Variants in TGFBR3 observed in about 807,000 individuals in gnomAD.
TGFBR3 encodes transforming growth factor beta receptor 3, also known as transforming growth factor beta receptor type 3.
TGFBR3 carries 46 observed loss-of-function variants against 87.9 expected under a neutral mutation model. That is an observed-to-expected ratio of 0.52 (90% CI 0.41 to 0.67). The LOEUF (loss-of-function observed/expected upper bound fraction) is 0.67, where lower values mean the gene tolerates loss of function less well. Among genes scored for constraint, TGFBR3 ranks in the 30% least tolerant of loss-of-function variants. TGFBR3 has a pLI of 0.00. For missense variants in TGFBR3, 866 were observed against 1,041.9 expected (o/e 0.83, Z 2.32); for synonymous variants, 381 against 391.6 (o/e 0.97, Z 0.32).
chr1:91,712,319 T>C lies in TGFBR3; in HGVS notation c.2090A>G (p.Asn697Ser). ...RFSFVFKPVF[N>S]TSLLFLQCEL... ...ACACTGTAGAAAGAGCAGTGAGGTG[T>C]TGAAGACAGGCTTGAAGACAAAGCT... The change falls in exon 13 of 17, where the codon AAC (asparagine) becomes AGC (serine). Residue 697 changes from asparagine to serine, a missense_variant. Transcript: ENST00000212355. 4 of 1,614,238 alleles carry C rather than the reference T, an allele frequency of 2.5e-6. No homozygotes were observed. Among genetic ancestry groups the C allele is most frequent in the Non-Finnish European group, 3.4e-6 (4 of 1,180,032 alleles).
chr1:91,724,664 G>T (rs1330923039), intron 7 of TGFBR3, among the ~76,000 whole-genome samples: 1 of 152,140 alleles, frequency 6.6e-6, no homozygotes, highest in Non-Finnish European at 1.5e-5. Flanking sequence ...CAGACAAGTT[G>T]GTTCCCAGCT....
intron 2 of TGFBR3, among the ~76,000 whole-genome samples, chr1:91,832,330 C>T (rs11165578): frequency 2.6e-5 from 4 of 152,062 alleles, no homozygotes; most frequent in South Asian, 4.2e-4. Flanking sequence ...CAGAGACAAT[C>T]GATATTCCTT....
chr1:91,848,350 T>C (rs1442807363), intron 2 of TGFBR3, among the ~76,000 whole-genome samples: 1 of 152,146 alleles, frequency 6.6e-6, no homozygotes, highest in African/African-American at 2.4e-5. Context: ...TAAAACAGAA[T>C]CTGCATTTTA....
chr1:91,751,987 G>A (rs185793094), intron 4 of TGFBR3, among the ~76,000 whole-genome samples: 22 of 152,256 alleles, frequency 1.4e-4, no homozygotes, highest in Non-Finnish European at 2.5e-4. Context: ...GAGCTAGTAC[G>A]ATCCCCTCAT....
intron 8 of TGFBR3, 97 bp downstream of exon 8, chr1:91,721,858 G>C (rs202098271): frequency 8.5e-7 from 1 of 1,170,868 alleles, no homozygotes; most frequent in East Asian, 2.5e-5. Context: ...ATGTACAAGA[G>C]AAAAACAGCA....
chr1:91,800,292 A>ATACATATATGCATGCATATATG (rs1485216405), intron 2 of TGFBR3, among the ~76,000 whole-genome samples: 1 of 145,432 alleles, frequency 6.9e-6, no homozygotes, highest in African/African-American at 2.6e-5. Context: ...ACGCATATAT[A>ATACATATATGCATGCATATATG]TACATATATG....
intron 7 of TGFBR3, among the ~76,000 whole-genome samples, chr1:91,724,925 C>T (rs17131539): frequency 0.21 from 32,004 of 152,178 alleles, 3,704 homozygotes; most frequent in South Asian, 0.3. Context: ...CATATGCCCA[C>T]TGAGATTTTT....
At position 91,773,344 on chromosome 1, in the gene TGFBR3, A is replaced by G. The variant is rs143640794; in HGVS notation, c.247-14594T>C. On this transcript the variant is annotated intron_variant, in intron 3 of 16. Transcript: ENST00000212355. ...ATGGCCACCTATAAATCTAGAGCCT[A>G]TGGTTCTTTCAGCAACTAATAGAGT... 1.4e-4 allele frequency among the ~76,000 whole-genome samples: 22 copies of G among 152,158 alleles called. No homozygotes were observed. In the East Asian group the frequency reaches 3.1e-3, roughly 21 times the overall value.
chr1:91,686,229 C>T (rs1326727090), intron 16 of TGFBR3, among the ~76,000 whole-genome samples: 1 of 152,182 alleles, frequency 6.6e-6, no homozygotes, highest in Non-Finnish European at 1.5e-5. Context: ...GTCTATTTGC[C>T]AAATATAATT....
chr1:91,695,691 C>T lies in TGFBR3; in HGVS notation c.2418G>A (p.Trp806Ter). Residue 806 changes from tryptophan (W) to a stop codon, truncating the protein, a stop_gained, in exon 16 of 17, where the codon TGG becomes TGA. Transcript: ENST00000212355. LOFTEE classifies it high-confidence loss of function. ...ACTAACCTGTGTGAGAATAGATGTACCACAAGGCCCCCGTCAGGAGTGCTC... is the reference window on the plus strand; with the variant it reads ...ACTAACCTGTGTGAGAATAGATGTATCACAAGGCCCCCGTCAGGAGTGCTC... ...VIGALLTGAL[W>*]YIYSHTGETA... 1 of 1,614,130 alleles carries T rather than the reference C, an allele frequency of 6.2e-7. No homozygotes were observed. Among genetic ancestry groups the T allele is most frequent in the East Asian group, 2.2e-5 (1 of 44,888 alleles).
At chr1:91,750,229 G>A (rs1571471356) in intron 4 of TGFBR3, among the ~76,000 whole-genome samples, 1 of 152,134 alleles carries the variant, frequency 6.6e-6, no homozygotes, top group African/African-American at 2.4e-5. Context: ...AATCTCCCAG[G>A]GGCCACGGGC....
At position 91,763,077 on chromosome 1, in the gene TGFBR3, C is replaced by G. The variant is rs1478944898; in HGVS notation, c.247-4327G>C. 3.3e-5 allele frequency among the ~76,000 whole-genome samples: 5 copies of G among 152,204 alleles called. No homozygotes were observed. In the East Asian group the frequency reaches 9.6e-4, roughly 29 times the overall value. ...GATAAGCAAAAACTATCTATTGTCT[C>G]AAACTCTGTAGATTACTTTATGAAA... On this transcript the variant is annotated intron_variant, in intron 3 of 16. Coordinates refer to ENST00000212355, the MANE Select transcript of TGFBR3 (RefSeq NM_003243.5).
At chr1:91,843,233 C>T (rs1677356501) in intron 2 of TGFBR3, among the ~76,000 whole-genome samples, 2 of 152,108 alleles carry the variant, frequency 1.3e-5, no homozygotes, top group Non-Finnish European at 2.9e-5. Context: ...AGATGGGGCA[C>T]GCTAACAGGT....
intron 2 of TGFBR3, among the ~76,000 whole-genome samples, chr1:91,828,152 C>T (rs1372092677): frequency 1.3e-5 from 2 of 152,148 alleles, no homozygotes; most frequent in Non-Finnish European, 2.9e-5. Context: ...CCCAAGATAA[C>T]TCGTCATGAT....
rs920117141 is a variant in TGFBR3 at position 91,886,054 on chromosome 1, G to A, written c.-290C>T. 17 of 453,900 alleles carry A rather than the reference G, an allele frequency of 3.7e-5. No individual in the cohort carries two copies. Among genetic ancestry groups the A allele is most frequent in the African/African-American group, 2.8e-4 (14 of 49,994 alleles). The allele number at this position is 453,900 out of a possible 1,614,324, so 28.1% of individuals were successfully genotyped here. On this transcript the variant is annotated 5_prime_UTR_variant, in exon 1 of 17. Transcript: ENST00000212355. ...CCTCCTGCAGGGAGCTCCGGGAATC[G>A]CGCAGGGAAAGTGGCCGGGGCGCGA...
upstream of TGFBR3, among the ~76,000 whole-genome samples, chr1:91,888,876 T>A (rs546484915): frequency 6.6e-6 from 1 of 152,104 alleles, no homozygotes; most frequent in Non-Finnish European, 1.5e-5. Flanking sequence ...ACTGAATTCT[T>A]TTTTGTTTGT....
chr1:91,840,969 C>A (rs911358482), intron 2 of TGFBR3, among the ~76,000 whole-genome samples: 6 of 152,178 alleles, frequency 3.9e-5, no homozygotes, highest in African/African-American at 1.4e-4. Context: ...TGCCACCACA[C>A]CCAGCTAATT....
intron 4 of TGFBR3, among the ~76,000 whole-genome samples, chr1:91,755,657 T>C (rs1673714976): frequency 6.6e-6 from 1 of 152,196 alleles, no homozygotes; most frequent in African/African-American, 2.4e-5. Flanking sequence ...CTTTCATTGT[T>C]AGTGTCTAAA....
At chr1:91,719,872 C>G (rs1672300125) in intron 9 of TGFBR3, 21 bp downstream of exon 9, 4 of 1,613,570 alleles carry the variant, frequency 2.5e-6, no homozygotes, top group Admixed American at 3.3e-5. Context: ...TCTCTTCCCT[C>G]CTGTAATCAG....
Sources: allele counts gnomAD v4.1 joint callset (sites outside exome capture counted in the v4.1 genomes callset), GRCh38; gene constraint gnomAD v4.1.1; transcripts MANE v1.5; gene names NCBI Gene and HGNC (gene_info 2026-07-23, HGNC 2026-07-21).